The following GNL2 variants were observed in gnomAD, a reference collection of about 807,000 sequenced individuals.
The protein encoded by GNL2 is G protein nucleolar 2, also known as nucleolar GTP-binding protein 2.
Under a neutral mutation model 92.3 loss-of-function variants are expected in GNL2, and 51 were observed. That is an observed-to-expected ratio of 0.55 (90% CI 0.44 to 0.70). The LOEUF (loss-of-function observed/expected upper bound fraction) is 0.70, where lower values mean the gene tolerates loss of function less well. GNL2 is among the 30% of genes least tolerant of loss of function. The pLI is 0.00. For synonymous variants in GNL2, 283 were observed against 300.6 expected, an observed-to-expected ratio of 0.94 and a Z score of 0.61; for missense variants, 844 against 895.6, an observed-to-expected ratio of 0.94 and a Z score of 0.74.
At position 37,590,894 on chromosome 1, in the gene GNL2, C is replaced by T. The variant is rs1643884166; in HGVS notation, c.245-49G>A. On this transcript the variant is annotated intron_variant, in intron 3 of 15. Transcript: ENST00000373062. Reference sequence around the variant, plus strand: ...GCCACTTAGTTAATATTTGCGCATCCATCTTCCACTGACACGGTGAAAGGC... The same window carrying T: ...GCCACTTAGTTAATATTTGCGCATCTATCTTCCACTGACACGGTGAAAGGC... 2.7e-6 allele frequency: 4 copies of T among 1,454,702 alleles called. No homozygotes were observed. In the East Asian group the frequency reaches 9.5e-5, roughly 34 times the overall value. The allele number at this position is 1,454,702 out of a possible 1,614,324, so 90.1% of individuals were successfully genotyped here.
chr1:37,567,496 T>C (rs1570045153), intron 15 of GNL2, among the ~76,000 whole-genome samples, 177 bp downstream of exon 15: 2 of 151,904 alleles, frequency 1.3e-5, no homozygotes, highest in South Asian at 4.2e-4. Context: ...ACGTATGACA[T>C]GGACTCAAGG....
Position 37,587,500 on chromosome 1 carries a change from A to T in GNL2, c.385-5T>A. 1 of 1,593,412 alleles carries T rather than the reference A, an allele frequency of 6.3e-7. No individual in the cohort carries two copies. Among genetic ancestry groups the T allele is most frequent in the Non-Finnish European group, 8.6e-7 (1 of 1,165,796 alleles). ...AAGAATGTGCACCTTCAAGTTCTGAAGAGAAAGGAGAATAACAGGTAAAAC... is the reference window on the plus strand; with the variant it reads ...AAGAATGTGCACCTTCAAGTTCTGATGAGAAAGGAGAATAACAGGTAAAAC... On this transcript the variant is annotated splice_region_variant and splice_polypyrimidine_tract_variant and intron_variant, in intron 4 of 15. Coordinates refer to ENST00000373062, the MANE Select transcript of GNL2 (RefSeq NM_013285.3).
intron 1 of GNL2, 52 bp from the exon 2 acceptor site, chr1:37,593,898 C>T: frequency 7.5e-7 from 1 of 1,332,172 alleles, no homozygotes; most frequent in African/African-American, 1.4e-5. Flanking sequence ...ACCAGTATAA[C>T]CAACAAGTCA....
chr1:37,582,149 T>C (rs1266417981), intron 8 of GNL2, 74 bp downstream of exon 8: 38 of 991,402 alleles, frequency 3.8e-5, no homozygotes, highest in South Asian at 2.5e-4. Flanking sequence ...CTTTCTGCTA[T>C]GCCATGGCAA....
At chr1:37,574,302 A>G in intron 12 of GNL2, 41 bp downstream of exon 12, 1 of 1,256,526 alleles carries the variant, frequency 8.0e-7, no homozygotes, top group Non-Finnish European at 1.2e-6. Flanking sequence ...AATCTAGGTC[A>G]GGACCCATGC....
chr1:37,588,932 G>A (rs957364602), intron 4 of GNL2, among the ~76,000 whole-genome samples: 2 of 152,202 alleles, frequency 1.3e-5, no homozygotes, highest in Non-Finnish European at 2.9e-5. Flanking sequence ...GCTGACTGGT[G>A]CAACTGCAGA....
intron 4 of GNL2, 92 bp downstream of exon 4, chr1:37,590,614 T>A: frequency 1.9e-6 from 2 of 1,066,336 alleles, no homozygotes; most frequent in Non-Finnish European, 2.9e-6. Flanking sequence ...GTCACTATTT[T>A]CTAAGGAAAA....
chr1:37,569,610 G>A, intron 12 of GNL2: 1 of 276,200 alleles, frequency 3.6e-6, no homozygotes, highest in Non-Finnish European at 6.8e-6. Context: ...TCCCTAGGGG[G>A]CTGCTGATAT....
At chr1:37,584,323 C>T (rs1643818205) in intron 5 of GNL2, among the ~76,000 whole-genome samples, 1 of 151,960 alleles carries the variant, frequency 6.6e-6, no homozygotes, top group Non-Finnish European at 1.5e-5. Context: ...GTGGTGCATG[C>T]CTGTAATCCC....
Position 37,572,935 on chromosome 1 carries a change from G to A in GNL2, c.1416+1408C>T, listed in dbSNP as rs114004844. 5.9e-3 allele frequency among the ~76,000 whole-genome samples: 902 copies of A among 152,108 alleles called. 10 individuals carry two copies. The highest frequency in any genetic ancestry group is 0.021 in the African/African-American group (865 of 41,496). ...TATCTGAGAACTGCAGAACTGATAT[G>A]GAAAAAAATTATGTATTTGGTGTCA... On this transcript the variant is annotated intron_variant, in intron 12 of 15. Transcript: ENST00000373062.
intron 14 of GNL2, chr1:37,567,976 A>G: frequency 1.7e-6 from 1 of 595,084 alleles, no homozygotes; most frequent in Non-Finnish European, 3.0e-6. Flanking sequence ...GGTCAAATGG[A>G]GGAATGGATA....
intron 1 of GNL2, 133 bp from the exon 2 acceptor site, chr1:37,593,979 C>A: frequency 1.6e-6 from 1 of 609,426 alleles, no homozygotes; most frequent in South Asian, 2.1e-5. Flanking sequence ...TCTCTACTTT[C>A]TCCATATGTT....
chr1:37,589,250 C>A (rs554657292), intron 4 of GNL2, among the ~76,000 whole-genome samples: 1 of 152,288 alleles, frequency 6.6e-6, no homozygotes, highest in East Asian at 1.9e-4. Context: ...AGGCAATAAC[C>A]AGGCCTTGGT....
chr1:37,580,885 T>C (rs1380450831), intron 8 of GNL2, among the ~76,000 whole-genome samples: 1 of 152,200 alleles, frequency 6.6e-6, no homozygotes, highest in Non-Finnish European at 1.5e-5. Flanking sequence ...TATTTTACAG[T>C]CATGACAATG....
At chr1:37,568,420 A>T (rs1643541588) in intron 13 of GNL2, 63 bp from the exon 14 acceptor site, 3 of 1,043,568 alleles carry the variant, frequency 2.9e-6, no homozygotes, top group Admixed American at 3.6e-5. Flanking sequence ...ACTGACCTGG[A>T]GACCTGCGAC....
chr1:37,587,537 C>T (rs1223851944), intron 4 of GNL2, 42 bp from the exon 5 acceptor site: 2 of 1,438,468 alleles, frequency 1.4e-6, no homozygotes, highest in Non-Finnish European at 1.9e-6. Context: ...AAGAAAAGCA[C>T]TGAGAAAAAG....
intron 9 of GNL2, chr1:37,576,133 T>C: frequency 2.9e-6 from 1 of 340,550 alleles, no homozygotes; most frequent in Non-Finnish European, 5.4e-6. Context: ...TCAAATATTC[T>C]TGGGTTAGTT....
chr1:37,568,076 T>C, intron 14 of GNL2, 199 bp downstream of exon 14: 1 of 595,860 alleles, frequency 1.7e-6, no homozygotes. Context: ...TTTCCTGAAT[T>C]GCCAATTTAA....
At chr1:37,582,475 G>A in intron 7 of GNL2, 139 bp from the exon 8 acceptor site, 1 of 595,494 alleles carries the variant, frequency 1.7e-6, no homozygotes, top group Non-Finnish European at 2.9e-6. Context: ...TCTTTGAAAT[G>A]TTTTTTCCAA....
Sources: gnomAD v4.1 joint callset for allele counts (sites outside exome capture counted in the v4.1 genomes callset) on GRCh38, gnomAD v4.1.1 for gene constraint, MANE v1.5 for transcripts, NCBI Gene and HGNC (gene_info 2026-07-23, HGNC 2026-07-21) for gene names.